The following GHR variants were observed in gnomAD, a reference collection of about 807,000 sequenced individuals.
The protein encoded by GHR is GH receptor.
GHR carries 35 observed loss-of-function variants against 67.1 expected under a neutral mutation model. The ratio of observed to expected loss-of-function variants is 0.52; its 90% confidence interval spans 0.40 to 0.69. The LOEUF is 0.69. Ranked by LOEUF, GHR falls within the 30% of genes least tolerant of loss-of-function variation. GHR has a pLI of 0.00. For missense variants in GHR, 792 were observed against 764.6 expected (o/e 1.04, Z -0.42); for synonymous variants, 272 against 269.1 (o/e 1.01, Z -0.10).
chr5:42,583,579 A>G (rs113416826), intron 2 of GHR, among the ~76,000 whole-genome samples: 159 of 152,328 alleles, frequency 1.0e-3, no homozygotes, highest in African/African-American at 3.8e-3. Context: ...GACTACAGCT[A>G]TGCCAGAAAT....
At chr5:42,478,169 G>C (rs1745431984) in intron 1 of GHR, among the ~76,000 whole-genome samples, 1 of 152,114 alleles carries the variant, frequency 6.6e-6, no homozygotes, top group South Asian at 2.1e-4. Flanking sequence ...GTTTTTGTCA[G>C]GTTTGTCAAA....
chr5:42,633,411 G>A (rs2112759134), intron 3 of GHR, among the ~76,000 whole-genome samples: 1 of 152,264 alleles, frequency 6.6e-6, no homozygotes, highest in African/African-American at 2.4e-5. Flanking sequence ...TTGCTTGAAT[G>A]CTAGAAGTTC....
At chr5:42,460,754 G>GA (rs1351721794) in intron 1 of GHR, among the ~76,000 whole-genome samples, 2 of 151,932 alleles carry the variant, frequency 1.3e-5, no homozygotes, top group African/African-American at 4.8e-5. Context: ...AGGAAATCTA[G>GA]AAAAAAAATG....
At chr5:42,638,073 G>A (rs1754290563) in intron 3 of GHR, among the ~76,000 whole-genome samples, 1 of 152,112 alleles carries the variant, frequency 6.6e-6, no homozygotes, top group Admixed American at 6.5e-5. Context: ...CTGAGTAGCT[G>A]GGATTACAGT....
intron 3 of GHR, among the ~76,000 whole-genome samples, chr5:42,687,569 T>C (rs1757221252): frequency 6.6e-6 from 1 of 152,218 alleles, no homozygotes; most frequent in Admixed American, 6.5e-5. Flanking sequence ...TGAATTTGAA[T>C]GATGGATTTG....
intron 1 of GHR, among the ~76,000 whole-genome samples, chr5:42,494,685 A>G (rs1561075482): frequency 6.6e-6 from 1 of 152,144 alleles, no homozygotes; most frequent in Non-Finnish European, 1.5e-5. Flanking sequence ...GTACTTCCTG[A>G]ATACATCTTG....
intron 1 of GHR, among the ~76,000 whole-genome samples, chr5:42,547,153 A>G (rs4365846): frequency 0.32 from 48,462 of 152,044 alleles, 9,367 homozygotes; most frequent in African/African-American, 0.53. Context: ...TTTCCCCTCT[A>G]AGTGTTTCTC....
intron 2 of GHR, among the ~76,000 whole-genome samples, chr5:42,624,124 G>A (rs940935057): frequency 6.6e-6 from 1 of 152,130 alleles, no homozygotes; most frequent in Non-Finnish European, 1.5e-5. Flanking sequence ...ATATTTTCAG[G>A]ACTGTTAGCT....
At chr5:42,493,111 G>A (rs1024670364) in intron 1 of GHR, among the ~76,000 whole-genome samples, 3 of 152,154 alleles carry the variant, frequency 2.0e-5, no homozygotes, top group African/African-American at 2.4e-5. Context: ...AAAGGGTTAC[G>A]CCTCGCAGTG....
intron 3 of GHR, among the ~76,000 whole-genome samples, chr5:42,654,194 A>G (rs1383523531): frequency 1.3e-5 from 2 of 152,204 alleles, no homozygotes; most frequent in Admixed American, 6.5e-5. Context: ...TACTAACTGA[A>G]TGAATGTAGG....
At chr5:42,436,808 A>C (rs1329324459) in intron 1 of GHR, among the ~76,000 whole-genome samples, 1 of 152,206 alleles carries the variant, frequency 6.6e-6, no homozygotes, top group Admixed American at 6.5e-5. Flanking sequence ...TGAGTGGCCC[A>C]ACTGAAAATT....
intron 1 of GHR, among the ~76,000 whole-genome samples, chr5:42,533,571 T>C (rs77634651): frequency 1.7e-3 from 260 of 152,084 alleles, no homozygotes; most frequent in African/African-American, 6.1e-3. Context: ...CTTACAATAG[T>C]TTTATGTTAA....
intron 1 of GHR, among the ~76,000 whole-genome samples, chr5:42,493,659 CA>C (rs994781322): frequency 6.6e-6 from 1 of 152,052 alleles, no homozygotes; most frequent in African/African-American, 2.4e-5. Flanking sequence ...AAATTTAGAG[CA>C]AAAGAAATAT....
chr5:42,663,449 T>A (rs1016063000), intron 3 of GHR, among the ~76,000 whole-genome samples: 12 of 152,168 alleles, frequency 7.9e-5, no homozygotes, highest in African/African-American at 2.9e-4. Context: ...TATTTGCAAA[T>A]CAATAAATGT....
chr5:42,507,669 A>G (rs1225153453), intron 1 of GHR, among the ~76,000 whole-genome samples: 1 of 152,246 alleles, frequency 6.6e-6, no homozygotes, highest in Non-Finnish European at 1.5e-5. Context: ...CTCGGACCCT[A>G]GCTGCCATGA....
chr5:42,719,302 C>A lies in GHR; in HGVS notation c.1795C>A (p.His599Asn), dbSNP rs144782781. ...GCCTGTCCCAGACTATACCTCCATT[C>A]ATATAGTACAGTCCCCACAGGGCCT... Reference protein sequence around the residue: ...EMPVPDYTSIHIVQSPQGLIL... With the variant: ...EMPVPDYTSINIVQSPQGLIL... The change falls in exon 10 of 10, where the codon CAT (histidine) becomes AAT (asparagine). Residue 599 changes from histidine (H) to asparagine (N), a missense_variant. His to Asn is a moderately conservative substitution (Grantham distance 68). Transcript: ENST00000230882. 1.7e-5 allele frequency: 28 copies of A among 1,614,148 alleles called. No individual in the cohort carries two copies. Among genetic ancestry groups the A allele is most frequent in the Non-Finnish European group, 2.3e-5 (27 of 1,179,982 alleles).
At chr5:42,521,937 T>C (rs1302237747) in intron 1 of GHR, among the ~76,000 whole-genome samples, 1 of 152,216 alleles carries the variant, frequency 6.6e-6, no homozygotes, top group Non-Finnish European at 1.5e-5. Flanking sequence ...TTTCCCAAAT[T>C]AACAATTTTG....
At chr5:42,706,485 A>C (rs1245414753) in intron 6 of GHR, among the ~76,000 whole-genome samples, 1 of 152,020 alleles carries the variant, frequency 6.6e-6, no homozygotes, top group Non-Finnish European at 1.5e-5. Context: ...CCAGAATGGT[A>C]TTTCCTAGGT....
intron 3 of GHR, among the ~76,000 whole-genome samples, chr5:42,647,293 G>A (rs1318235348): frequency 6.6e-6 from 1 of 151,936 alleles, no homozygotes; most frequent in Non-Finnish European, 1.5e-5. Flanking sequence ...TATAAAAATC[G>A]GCCGGGCGTT....
Sources: allele counts gnomAD v4.1 joint callset (sites outside exome capture counted in the v4.1 genomes callset), GRCh38; gene constraint gnomAD v4.1.1; transcripts MANE v1.5; gene names NCBI Gene and HGNC (gene_info 2026-07-23, HGNC 2026-07-21).